HDAC9: variants seen among roughly 807,000 people sequenced by gnomAD.
HDAC9 encodes the protein MEF-2 interacting transcription repressor (MITR) protein.
Under a neutral mutation model 139.4 loss-of-function variants are expected in HDAC9, and 41 were observed. The observed-to-expected ratio is 0.29, with a 90% confidence interval of 0.23 to 0.38. The LOEUF (loss-of-function observed/expected upper bound fraction) is 0.38, where lower values mean the gene tolerates loss of function less well. HDAC9 is among the 10% of genes least tolerant of loss of function. The pLI is 1.00. For missense variants in HDAC9, 1,147 were observed against 1,297.0 expected (o/e 0.88, Z 1.78); for synonymous variants, 517 against 476.2 (o/e 1.09, Z -1.12).
At chr7:18,320,428 C>T (rs144956662) in intron 1 of HDAC9, among the ~76,000 whole-genome samples, 29 of 152,232 alleles carry the variant, frequency 1.9e-4, no homozygotes, top group African/African-American at 6.7e-4. Context: ...ATCCTTTGTA[C>T]CGGCTCTCCT....
intron 12 of HDAC9, among the ~76,000 whole-genome samples, chr7:18,692,192 CTT>C (rs1408131559): frequency 6.6e-6 from 1 of 152,046 alleles, no homozygotes; most frequent in Non-Finnish European, 1.5e-5. Context: ...GCCTGGATGA[CTT>C]AAGAGAAAAC....
At chr7:18,647,733 G>A (rs1351146065) in intron 9 of HDAC9, 52 bp from the exon 10 acceptor site, 2 of 1,451,192 alleles carry the variant, frequency 1.4e-6, no homozygotes, top group African/African-American at 2.8e-5. Context: ...TAGAGACCCA[G>A]TGACCCACAT....
intron 1 of HDAC9, among the ~76,000 whole-genome samples, chr7:18,116,186 C>T (rs1562636281): frequency 6.6e-6 from 1 of 151,938 alleles, no homozygotes; most frequent in Non-Finnish European, 1.5e-5. Flanking sequence ...GCATATATAA[C>T]CATAATTTAG....
At chr7:18,793,295 C>T in intron 16 of HDAC9, 50 bp from the exon 17 acceptor site, 2 of 1,292,206 alleles carry the variant, frequency 1.5e-6, no homozygotes, top group Non-Finnish European at 2.2e-6. Flanking sequence ...TCTCTTCCTT[C>T]TCTTTCGCTT....
At chr7:18,861,683 C>A (rs1798121409) in intron 21 of HDAC9, among the ~76,000 whole-genome samples, 1 of 152,146 alleles carries the variant, frequency 6.6e-6, no homozygotes, top group African/African-American at 2.4e-5. Flanking sequence ...CGTGACACAT[C>A]TTAGGCAAGG....
chr7:18,931,299 C>T (rs186247589), intron 22 of HDAC9, among the ~76,000 whole-genome samples: 48 of 152,040 alleles, frequency 3.2e-4, no homozygotes, highest in Admixed American at 2.7e-3. Flanking sequence ...ATTGTCATCC[C>T]GGTAATAAGG....
chr7:18,757,067 A>G (rs575583237), intron 14 of HDAC9, among the ~76,000 whole-genome samples: 7 of 151,970 alleles, frequency 4.6e-5, no homozygotes, highest in Non-Finnish European at 1.0e-4. Flanking sequence ...TCATATTTTT[A>G]TGTTTTTTTT....
chr7:18,527,729 G>A (rs1385376067), intron 2 of HDAC9, among the ~76,000 whole-genome samples: 2 of 151,988 alleles, frequency 1.3e-5, no homozygotes, highest in Non-Finnish European at 2.9e-5. Context: ...ATATATTCAC[G>A]TGGGATCTAA....
chr7:18,091,993 CTATAA>C (rs1450546011), intron 1 of HDAC9, among the ~76,000 whole-genome samples: 1 of 152,166 alleles, frequency 6.6e-6, no homozygotes, highest in Non-Finnish European at 1.5e-5. Flanking sequence ...GTCTTATATA[CTATAA>C]TATAATAGTG....
intron 2 of HDAC9, among the ~76,000 whole-genome samples, chr7:18,189,414 T>TAC (rs1790168050): frequency 2.0e-5 from 3 of 152,168 alleles, no homozygotes; most frequent in Admixed American, 2.0e-4. Context: ...GGCACATATA[T>TAC]ACCTATGTGA....
At chr7:18,583,013 A>C (rs1045019209) in intron 2 of HDAC9, among the ~76,000 whole-genome samples, 3 of 152,134 alleles carry the variant, frequency 2.0e-5, no homozygotes, top group African/African-American at 7.2e-5. Context: ...TTTACTAGTG[A>C]AGGTGATTTT....
At chr7:18,542,634 C>G (rs566538458) in intron 2 of HDAC9, among the ~76,000 whole-genome samples, 2 of 152,082 alleles carry the variant, frequency 1.3e-5, no homozygotes, top group African/African-American at 4.8e-5. Context: ...CACAAAATAA[C>G]ATCATGATAT....
In HDAC9 at chr7:18,241,715, G is replaced by C. The variant is rs116881212; in HGVS notation, c.25+79366G>C. On this transcript the variant is annotated intron_variant, in intron 2 of 12. Coordinates refer to the HDAC9 transcript ENST00000417496. Reference sequence around the variant, plus strand: ...TGCAAGCCAAGTTTCAGTGTTTCCTGACACTGAATCGCCTGAGTACCATTG... The same window carrying C: ...TGCAAGCCAAGTTTCAGTGTTTCCTCACACTGAATCGCCTGAGTACCATTG... Among the ~76,000 whole-genome samples the C allele has an allele frequency of 4.8e-3, 738 of 152,298 alleles. 6 individuals carry two copies. The highest frequency in any genetic ancestry group is 5.2e-3 in the Non-Finnish European group (357 of 68,030).
chr7:18,712,241 T>A, intron 12 of HDAC9, among the ~76,000 whole-genome samples: 1 of 152,214 alleles, frequency 6.6e-6, no homozygotes. Context: ...TCCCTAAAGA[T>A]GTTGACAAAT....
chr7:18,987,713 G>A (rs1348488259), intron 25 of HDAC9, among the ~76,000 whole-genome samples: 1 of 151,872 alleles, frequency 6.6e-6, no homozygotes, highest in African/African-American at 2.4e-5. Context: ...CTTTTTGGTT[G>A]GTAAGCTATT....
intron 25 of HDAC9, among the ~76,000 whole-genome samples, chr7:18,995,211 G>C (rs1786362862): frequency 6.6e-6 from 1 of 152,110 alleles, no homozygotes; most frequent in South Asian, 2.1e-4. Context: ...TTAACAAATG[G>C]CAGAGCTCAG....
intron 11 of HDAC9, 123 bp from the exon 12 acceptor site, chr7:18,666,090 C>A: frequency 9.1e-7 from 1 of 1,093,138 alleles, no homozygotes. Flanking sequence ...CAAGTTCATT[C>A]TGAAATTTAT....
intron 2 of HDAC9, among the ~76,000 whole-genome samples, chr7:18,196,989 A>G (rs1326193614): frequency 6.6e-6 from 1 of 152,230 alleles, no homozygotes; most frequent in Non-Finnish European, 1.5e-5. Context: ...TAGACTGAGT[A>G]GAGCAGATTG....
chr7:18,591,670 T>C, intron 5 of HDAC9, 28 bp downstream of exon 5: 1 of 1,609,824 alleles, frequency 6.2e-7, no homozygotes, highest in Non-Finnish European at 8.5e-7. Flanking sequence ...CTGTTTTCAT[T>C]CCTGGGGTAA....
Sources: allele counts gnomAD v4.1 joint callset (sites outside exome capture counted in the v4.1 genomes callset), GRCh38; gene constraint gnomAD v4.1.1; transcripts MANE v1.5; gene names NCBI Gene and HGNC (gene_info 2026-07-23, HGNC 2026-07-21).